Variants in ZNF292 observed in about 807,000 individuals in gnomAD.
ZNF292 encodes the protein 16 zinc-finger domain protein.
Under a neutral mutation model 217.9 loss-of-function variants are expected in ZNF292, and 26 were observed. The ratio of observed to expected loss-of-function variants is 0.12; its 90% CI spans 0.09 to 0.17. The LOEUF is 0.17. Among genes scored for constraint, ZNF292 ranks in the 10% least tolerant of loss-of-function variants. The probability of loss-of-function intolerance (pLI) is 1.00; values close to 1 mark genes in which losing one functional copy is unlikely to be tolerated. For missense variants in ZNF292, 2,904 were observed against 3,175.2 expected (o/e 0.91, Z 2.05); for synonymous variants, 1,257 against 1,124.1 (o/e 1.12, Z -2.37).
At chr6:87,229,155 T>C (rs1453443582) in intron 4 of ZNF292, among the ~76,000 whole-genome samples, 1 of 152,206 alleles carries the variant, frequency 6.6e-6, no homozygotes, top group Non-Finnish European at 1.5e-5. Flanking sequence ...TTATTCTTAT[T>C]TTATTGTTTT....
rs752774722 is a variant in ZNF292 at position 87,259,449 on chromosome 6, T to G, written c.5820T>G (p.Asn1940Lys). The G allele has an allele frequency of 6.3e-7, 1 of 1,591,288 alleles. No homozygotes were observed. The highest frequency in any genetic ancestry group is 1.3e-5 in the African/African-American group (1 of 74,450). The change falls in exon 8 of 8, where the codon AAT (asparagine) becomes AAG (lysine). Residue 1940 changes from asparagine (N) to lysine (K), a missense_variant. Asn to Lys is a moderately conservative substitution (Grantham distance 94, BLOSUM62 0). Coordinates refer to ENST00000369577, the MANE Select transcript of ZNF292 (RefSeq NM_015021.3). ...TPEMILEIKKNQLKFAPFKCV... is the reference protein window; with the variant it reads ...TPEMILEIKKKQLKFAPFKCV... ...AAATGATTCTTGAAATTAAGAAGAA[T>G]CAATTGAAATTTGCTCCCTTTAAAT... is the stretch of plus-strand genomic sequence containing the variant.
chr6:87,205,233 T>G (rs1038108853), intron 1 of ZNF292, among the ~76,000 whole-genome samples: 1 of 152,004 alleles, frequency 6.6e-6, no homozygotes, highest in African/African-American at 2.4e-5. Flanking sequence ...CCACTACACC[T>G]GGCTAATTTT....
rs1253925774 is a variant in ZNF292, at chr6:87,265,158, G to A, written c.*3357G>A. ...GACAGAGTCTCGCTCTGTTGCCCAG[G>A]CTGGAGTGCAGTGTTGCACGATCTC... On this transcript the variant is annotated 3_prime_UTR_variant, in exon 8 of 8. Transcript: ENST00000369577. Among the ~76,000 whole-genome samples, 1 of 151,818 alleles carries A rather than the reference G, an allele frequency of 6.6e-6. No individual in the cohort carries two copies. The highest frequency in any genetic ancestry group is 1.5e-5 in the Non-Finnish European group (1 of 67,968).
intron 1 of ZNF292, chr6:87,173,778 C>G (rs545838335): frequency 6.5e-6 from 1 of 154,532 alleles, no homozygotes; most frequent in Admixed American, 6.5e-5. Flanking sequence ...CAGAATATTT[C>G]AGTAGCATCT....
At chr6:87,178,616 T>C (rs1771375485) in intron 1 of ZNF292, among the ~76,000 whole-genome samples, 2 of 152,150 alleles carry the variant, frequency 1.3e-5, no homozygotes, top group Admixed American at 1.3e-4. Context: ...AGGGAAATTA[T>C]TTATTTAGTC....
At position 87,257,238 on chromosome 6, in the gene ZNF292, G is replaced by C. The variant is rs1292745030; in HGVS notation, c.3609G>C (p.Leu1203Phe). The change falls in exon 8 of 8, where the codon TTG (leucine) becomes TTC (phenylalanine). Residue 1203 changes from leucine (L) to phenylalanine (F), a missense_variant. Leu to Phe is a conservative substitution (Grantham distance 22). Transcript: ENST00000369577. The part of the protein sequence containing the change: ...PAHLASVSTP[L>F]LSSMESVINP... Reference sequence around the variant, plus strand: ...ATTTAGCAAGTGTGTCAACTCCATTGTTGTCCTCAATGGAAAGTGTCATAA... The same window carrying C: ...ATTTAGCAAGTGTGTCAACTCCATTCTTGTCCTCAATGGAAAGTGTCATAA... 20 of 1,613,606 alleles carry C rather than the reference G, an allele frequency of 1.2e-5. No homozygotes were observed. The highest frequency in any genetic ancestry group is 1.6e-5 in the Non-Finnish European group (19 of 1,179,784).
chr6:87,250,027 AAAAAAAAAAC>A (rs910502070), intron 7 of ZNF292, among the ~76,000 whole-genome samples: 5 of 138,952 alleles, frequency 3.6e-5, no homozygotes, highest in African/African-American at 1.1e-4. Flanking sequence ...AACCCTTAAA[AAAAAAAAAAC>A]AAAAAAAAAA....
intron 5 of ZNF292, among the ~76,000 whole-genome samples, chr6:87,242,370 A>G (rs1774337631): frequency 1.3e-5 from 2 of 152,134 alleles, no homozygotes; most frequent in South Asian, 4.1e-4. Flanking sequence ...GCCCAATTTA[A>G]TGTGTAAAAT....
At chr6:87,177,204 G>A (rs1322635648) in intron 1 of ZNF292, among the ~76,000 whole-genome samples, 1 of 151,824 alleles carries the variant, frequency 6.6e-6, no homozygotes, top group African/African-American at 2.4e-5. Context: ...GCACATGCCT[G>A]TAATCCCAGC....
intron 5 of ZNF292, among the ~76,000 whole-genome samples, chr6:87,239,658 C>T (rs1774141604): frequency 1.7e-5 from 2 of 117,818 alleles, no homozygotes; most frequent in Non-Finnish European, 3.3e-5. Flanking sequence ...CGGAGGGGCT[C>T]CTCACTTCTC....
chr6:87,185,159 ATACT>A (rs1397783253), intron 1 of ZNF292, among the ~76,000 whole-genome samples: 3 of 152,194 alleles, frequency 2.0e-5, no homozygotes, highest in Non-Finnish European at 4.4e-5. Flanking sequence ...TCCTTAAACT[ATACT>A]TAGTTTCCAA....
chr6:87,213,112 A>G (rs1772573629), intron 1 of ZNF292, among the ~76,000 whole-genome samples: 1 of 152,162 alleles, frequency 6.6e-6, no homozygotes, highest in African/African-American at 2.4e-5. Context: ...TTTTAGGGGA[A>G]TTCAATGGAC....
chr6:87,259,880 G>A lies in ZNF292; in HGVS notation c.6251G>A (p.Arg2084Lys), dbSNP rs1325613468. ...NTQTKGRKIRRHKKEKEEKKR... is the reference protein window; with the variant it reads ...NTQTKGRKIRKHKKEKEEKKR... The stretch of plus-strand genomic sequence containing the variant: ...CAAACCAAAGGACGGAAGATTAGGA[G>A]GCATAAAAAAGAAAAGGAGGAGAAA... Residue 2084 changes from arginine to lysine, a missense_variant, in exon 8 of 8, where the codon AGG becomes AAG. By Grantham distance (26) the Arg-to-Lys change is conservative (BLOSUM62 2). Transcript: ENST00000369577. 3 of 1,613,370 alleles carry A rather than the reference G, an allele frequency of 1.9e-6. No individual in the cohort carries two copies. In the Admixed American group the frequency reaches 5.0e-5, roughly 27 times the overall value.
At position 87,257,426 on chromosome 6, in the gene ZNF292, C is replaced by G; in HGVS notation, c.3797C>G (p.Pro1266Arg). ...GGCTCAGATCCTTTCCTTCCTTTAC[C>G]TGCAGAAAGTAGTTCAATGTCTCTC... Reference protein sequence around the residue: ...DSGSDPFLPLPAESSSMSLFP... With the variant: ...DSGSDPFLPLRAESSSMSLFP... Residue 1266 changes from proline (P) to arginine (R), a missense_variant, in exon 8 of 8, where the codon CCT (proline) becomes CGT (arginine). Around this residue, in one of 15 missense-constraint regions of ZNF292, gnomAD observed 687 missense variants for 623.0 expected, o/e 1.10. Coordinates refer to ENST00000369577, the MANE Select transcript of ZNF292 (RefSeq NM_015021.3). 2 of 1,613,548 alleles carry G rather than the reference C, an allele frequency of 1.2e-6. No homozygotes were observed. The highest frequency in any genetic ancestry group is 1.7e-6 in the Non-Finnish European group (2 of 1,179,728).
intron 4 of ZNF292, among the ~76,000 whole-genome samples, chr6:87,231,107 A>G (rs1313076791): frequency 6.6e-6 from 1 of 152,198 alleles, no homozygotes; most frequent in Non-Finnish European, 1.5e-5. Context: ...GCAGAGAAAT[A>G]GAAAGATGCA....
At chr6:87,190,407 T>G (rs868207010) in intron 1 of ZNF292, among the ~76,000 whole-genome samples, 1 of 152,172 alleles carries the variant, frequency 6.6e-6, no homozygotes, top group African/African-American at 2.4e-5. Context: ...ACAGGGAAAT[T>G]TATCAGGAAA....
rs113081658 is a variant in ZNF292, at chr6:87,194,254, A to G, written c.169-21649A>G. Among the ~76,000 whole-genome samples, 920 of 152,316 alleles carry G rather than the reference A, an allele frequency of 6.0e-3. 14 individuals carry two copies. Among genetic ancestry groups the G allele is most frequent in the African/African-American group, 0.021 (885 of 41,574 alleles). On this transcript the variant is annotated intron_variant, in intron 1 of 7. Transcript: ENST00000369577. ...ATTAAATGATAAATATAGAAGGAAT[A>G]AAATTAAATGTGAATAATTTGAGTT...
chr6:87,239,930 C>T (rs1774171089), intron 5 of ZNF292, among the ~76,000 whole-genome samples: 1 of 151,902 alleles, frequency 6.6e-6, no homozygotes, highest in African/African-American at 2.4e-5. Context: ...CAGAGACGCT[C>T]CTCACTTCCC....
intron 1 of ZNF292, among the ~76,000 whole-genome samples, chr6:87,163,108 TA>T (rs754111284): frequency 2.0e-5 from 3 of 152,170 alleles, no homozygotes; most frequent in Non-Finnish European, 4.4e-5. Flanking sequence ...AAAGAAAGAC[TA>T]AAGTCTCTAA....
Sources: gnomAD v4.1 joint callset for allele counts (sites outside exome capture counted in the v4.1 genomes callset) on GRCh38, gnomAD v4.1.1 for gene constraint, gnomAD v4.1.1 regional missense constraint, MANE v1.5 for transcripts, NCBI Gene and HGNC (gene_info 2026-07-23, HGNC 2026-07-21) for gene names.